The following SAMTOR variants were observed in gnomAD, a reference collection of about 807,000 sequenced individuals.
SAMTOR encodes S-adenosylmethionine sensor upstream of mTORC1.
chr7:112,885,713 T>A, the SAMTOR span, among the ~76,000 whole-genome samples: 2 of 152,180 alleles, frequency 1.3e-5, no homozygotes, highest in Admixed American at 6.5e-5. Context: ...TTCTGAGCCC[T>A]TCAAGTCTCT....
chr7:112,852,639 T>G, the SAMTOR span, among the ~76,000 whole-genome samples: 1 of 152,104 alleles, frequency 6.6e-6, no homozygotes, highest in Non-Finnish European at 1.5e-5. Context: ...TGGTCAGCCC[T>G]TGACAGAATA....
the SAMTOR span, among the ~76,000 whole-genome samples, chr7:112,889,042 T>G: frequency 6.6e-6 from 1 of 152,160 alleles, no homozygotes; most frequent in Admixed American, 6.5e-5. Flanking sequence ...ACAAAATACT[T>G]TATGCAACAT....
chr7:112,938,000 T>C, the SAMTOR span, among the ~76,000 whole-genome samples: 1 of 151,974 alleles, frequency 6.6e-6, no homozygotes, highest in Non-Finnish European at 1.5e-5. Context: ...AAGGTAAAAA[T>C]AGAAATGGAA....
At chr7:112,846,336 G>C in the SAMTOR span, among the ~76,000 whole-genome samples, 2 of 144,614 alleles carry the variant, frequency 1.4e-5, no homozygotes, top group African/African-American at 5.1e-5. Flanking sequence ...ATATAAAGAG[G>C]GAAACAACAG....
the SAMTOR span, among the ~76,000 whole-genome samples, chr7:112,911,991 C>G: frequency 6.6e-6 from 1 of 151,318 alleles, no homozygotes; most frequent in Non-Finnish European, 1.5e-5. Flanking sequence ...GAATTGTAAC[C>G]ACCAAATGCA....
chr7:112,898,501 C>T, the SAMTOR span, among the ~76,000 whole-genome samples: 1 of 152,242 alleles, frequency 6.6e-6, no homozygotes, highest in Non-Finnish European at 1.5e-5. Context: ...TCCTAAAGCC[C>T]CTGATTCCAG....
At chr7:112,894,694 GA>G in the SAMTOR span, among the ~76,000 whole-genome samples, 1 of 152,116 alleles carries the variant, frequency 6.6e-6, no homozygotes, top group Non-Finnish European at 1.5e-5. Flanking sequence ...CAGTATGGGG[GA>G]AACCGCCCCC....
chr7:112,935,265 C>T, the SAMTOR span: 2 of 430,984 alleles, frequency 4.6e-6, no homozygotes, highest in Non-Finnish European at 9.2e-6. Flanking sequence ...TTAAAGCCCA[C>T]TGAGGAAAAA....
chr7:112,938,164 A>C, the SAMTOR span, among the ~76,000 whole-genome samples: 1 of 152,176 alleles, frequency 6.6e-6, no homozygotes, highest in Non-Finnish European at 1.5e-5. Context: ...CATTCTTTGA[A>C]TATCAAGAAT....
At chr7:112,865,079 G>A in the SAMTOR span, among the ~76,000 whole-genome samples, 1 of 152,052 alleles carries the variant, frequency 6.6e-6, no homozygotes, top group Non-Finnish European at 1.5e-5. Flanking sequence ...TTCAAAGATG[G>A]CTTCCACCTG....
At chr7:112,937,472 A>G in the SAMTOR span, among the ~76,000 whole-genome samples, 4 of 152,122 alleles carry the variant, frequency 2.6e-5, no homozygotes, top group Non-Finnish European at 4.4e-5. Context: ...CATCAGCACA[A>G]TACTAAGTCC....
At chr7:112,894,697 A>C in the SAMTOR span, among the ~76,000 whole-genome samples, 504 of 152,270 alleles carry the variant, frequency 3.3e-3, 4 homozygotes, top group African/African-American at 0.012. Flanking sequence ...TATGGGGGAA[A>C]CCGCCCCCAT....
the SAMTOR span, among the ~76,000 whole-genome samples, chr7:112,823,774 T>C: frequency 5.9e-5 from 9 of 152,234 alleles, no homozygotes; most frequent in Admixed American, 4.6e-4. Context: ...TGTAGTTTCA[T>C]GTTCCCACCA....
chr7:112,911,573 A>C, the SAMTOR span, among the ~76,000 whole-genome samples: 1 of 152,180 alleles, frequency 6.6e-6, no homozygotes, highest in African/African-American at 2.4e-5. Context: ...ACCAAAAGAA[A>C]AAATAGCCAA....
At chr7:112,939,729 GGCCGCCGGCCCCTGGCTCCATATCGCA>G in the SAMTOR span, 1 of 1,604,188 alleles carries the variant, frequency 6.2e-7, no homozygotes, top group Non-Finnish European at 8.5e-7. Flanking sequence ...GCAGTATTTC[GGCCGCCGGCCCCTGGCTCCATATCGCA>G]GCCGCCGCCG....
the SAMTOR span, among the ~76,000 whole-genome samples, chr7:112,921,651 T>C: frequency 2.7e-5 from 4 of 145,948 alleles, no homozygotes; most frequent in African/African-American, 5.2e-5. Context: ...ACCATCAGAG[T>C]GAACAGGCAA....
At chr7:112,853,910 T>G in the SAMTOR span, among the ~76,000 whole-genome samples, 1 of 152,134 alleles carries the variant, frequency 6.6e-6, no homozygotes, top group African/African-American at 2.4e-5. Context: ...AAAATAGGTT[T>G]CTATTTCGTA....
At chr7:112,865,105 C>G in the SAMTOR span, among the ~76,000 whole-genome samples, 1 of 152,082 alleles carries the variant, frequency 6.6e-6, no homozygotes, top group Non-Finnish European at 1.5e-5. Flanking sequence ...CACATTTCAT[C>G]TTTGGTTAGA....
chr7:112,939,304 A>G, the SAMTOR span: 1 of 488,626 alleles, frequency 2.0e-6, no homozygotes, highest in South Asian at 2.5e-5. Context: ...GTGCCGAGAC[A>G]ACAACCTCAG....
Sources: gnomAD v4.1 joint callset for allele counts (sites outside exome capture counted in the v4.1 genomes callset) on GRCh38, gnomAD v4.1.1 for gene constraint, MANE v1.5 for transcripts, NCBI Gene and HGNC (gene_info 2026-07-23, HGNC 2026-07-21) for gene names.